The following DSE variants were observed in gnomAD, a reference collection of about 807,000 sequenced individuals.
DSE encodes dermatan sulfate epimerase, also known as dermatan-sulfate epimerase.
In DSE, 36 loss-of-function variants were observed where a neutral mutation model predicts 84.4. The ratio of observed to expected loss-of-function variants is 0.43; its 90% confidence interval spans 0.33 to 0.56. DSE has a LOEUF of 0.56. Among genes scored for constraint, DSE ranks in the 20% least tolerant of loss-of-function variants. DSE has a pLI of 0.06. For missense variants in DSE, 862 were observed against 1,169.6 expected, an observed-to-expected ratio of 0.74 and a Z score of 3.84; for synonymous variants, 410 against 430.1, an observed-to-expected ratio of 0.95 and a Z score of 0.58.
intron 2 of DSE, among the ~76,000 whole-genome samples, chr6:116,287,412 A>G (rs1773984549): frequency 6.6e-6 from 1 of 152,098 alleles, no homozygotes; most frequent in Non-Finnish European, 1.5e-5. Context: ...TTTTAAAAAC[A>G]TAAAATAATT....
intron 2 of DSE, among the ~76,000 whole-genome samples, chr6:116,305,675 T>A (rs1775300886): frequency 6.6e-6 from 1 of 152,176 alleles, no homozygotes; most frequent in South Asian, 2.1e-4. Flanking sequence ...TTCGCTCTTG[T>A]TGCCCAGGCT....
intron 1 of DSE, among the ~76,000 whole-genome samples, chr6:116,371,941 A>T (rs1779613272): frequency 6.6e-6 from 1 of 152,232 alleles, no homozygotes. Context: ...GCCTTTGGTT[A>T]AAATCAGGAG....
In DSE at chr6:116,430,946, T is replaced by C; in HGVS notation, c.671-8T>C. 2 of 1,612,526 alleles carry C rather than the reference T, an allele frequency of 1.2e-6. No homozygotes were observed. The highest frequency in any genetic ancestry group is 1.7e-6 in the Non-Finnish European group (2 of 1,179,656). Reference sequence around the variant, plus strand: ...TAGTCATTGCTTCCATGTGTTTTCATCCTTCAGGATATCTTCAAGAAGCCT... The same window carrying C: ...TAGTCATTGCTTCCATGTGTTTTCACCCTTCAGGATATCTTCAAGAAGCCT... On this transcript the variant is annotated splice_polypyrimidine_tract_variant and splice_region_variant and intron_variant, in intron 3 of 5. Coordinates refer to ENST00000644252, the MANE Select transcript of DSE (RefSeq NM_013352.4).
chr6:116,278,672 G>T, intron 2 of DSE: 1 of 1,614,170 alleles, frequency 6.2e-7, no homozygotes, highest in Non-Finnish European at 8.5e-7. Flanking sequence ...TCGGACTCTG[G>T]AAGGCTGTGG....
At chr6:116,369,212 C>G (rs1779359785), upstream of DSE, among the ~76,000 whole-genome samples, 1 of 152,176 alleles carries the variant, frequency 6.6e-6, no homozygotes, top group Non-Finnish European at 1.5e-5. Flanking sequence ...TATAGCTCCC[C>G]TGCTGATTCT....
At chr6:116,434,381 G>C (rs1277920618) in intron 5 of DSE, among the ~76,000 whole-genome samples, 2 of 151,804 alleles carry the variant, frequency 1.3e-5, no homozygotes, top group Non-Finnish European at 2.9e-5. Flanking sequence ...AAAAAATTAA[G>C]GAGGAAAAAA....
At chr6:116,407,337 G>T (rs1371020785) in intron 2 of DSE, among the ~76,000 whole-genome samples, 1 of 152,130 alleles carries the variant, frequency 6.6e-6, no homozygotes, top group Non-Finnish European at 1.5e-5. Flanking sequence ...AGTGGTTTGT[G>T]GGAGAGAAAA....
intron 2 of DSE, among the ~76,000 whole-genome samples, chr6:116,301,055 A>G (rs2114703548): frequency 6.6e-6 from 1 of 152,186 alleles, no homozygotes; most frequent in East Asian, 1.9e-4. Flanking sequence ...AACATGGAAG[A>G]AGGTCCTAAG....
At chr6:116,259,185 G>A in intron 2 of DSE, 1 of 696,764 alleles carries the variant, frequency 1.4e-6, no homozygotes, top group Admixed American at 2.7e-5. Flanking sequence ...CAGACAGGAA[G>A]AGCAAACTTA....
chr6:116,360,204 G>T (rs556016775), intron 2 of DSE, among the ~76,000 whole-genome samples: 1 of 152,142 alleles, frequency 6.6e-6, no homozygotes, highest in Non-Finnish European at 1.5e-5. Flanking sequence ...GGTGACAGGG[G>T]AGGGAGAGCA....
At chr6:116,363,312 CAT>C (rs757195959) in intron 2 of DSE, among the ~76,000 whole-genome samples, 1 of 151,636 alleles carries the variant, frequency 6.6e-6, no homozygotes, top group Admixed American at 6.6e-5. Context: ...ATACTTGCCA[CAT>C]GTTTAATGAC....
At chr6:116,410,588 G>C (rs1486459507) in intron 2 of DSE, among the ~76,000 whole-genome samples, 1 of 151,880 alleles carries the variant, frequency 6.6e-6, no homozygotes, top group African/African-American at 2.4e-5. Context: ...AAAAAAATTA[G>C]CTGGGTGTGG....
intron 2 of DSE, among the ~76,000 whole-genome samples, chr6:116,261,571 C>G (rs1024321522): frequency 6.6e-6 from 1 of 152,176 alleles, no homozygotes; most frequent in Non-Finnish European, 1.5e-5. Flanking sequence ...TTGACTTCCT[C>G]TCTTTGGATG....
At chr6:116,353,663 A>G (rs1415723192) in intron 2 of DSE, among the ~76,000 whole-genome samples, 1 of 152,196 alleles carries the variant, frequency 6.6e-6, no homozygotes, top group Non-Finnish European at 1.5e-5. Context: ...AAATTTGCTT[A>G]AGGTTATGGA....
intron 2 of DSE, among the ~76,000 whole-genome samples, chr6:116,297,080 G>T (rs1350098703): frequency 6.6e-6 from 1 of 152,116 alleles, no homozygotes; most frequent in Non-Finnish European, 1.5e-5. Context: ...ATTTGGGTAG[G>T]CAAAGTATAG....
chr6:116,403,510 A>G (rs1781729331), intron 2 of DSE, among the ~76,000 whole-genome samples: 1 of 152,146 alleles, frequency 6.6e-6, no homozygotes, highest in Non-Finnish European at 1.5e-5. Flanking sequence ...AAGGAAGCAT[A>G]AAATATTGTG....
At chr6:116,415,162 T>C (rs1782618553) in intron 2 of DSE, among the ~76,000 whole-genome samples, 1 of 152,242 alleles carries the variant, frequency 6.6e-6, no homozygotes, top group African/African-American at 2.4e-5. Flanking sequence ...TTTTGAGACC[T>C]TGGATGTCTG....
intron 2 of DSE, among the ~76,000 whole-genome samples, chr6:116,272,001 T>A (rs1772901788): frequency 6.6e-6 from 1 of 152,308 alleles, no homozygotes; most frequent in East Asian, 1.9e-4. Context: ...GAGGCTACCA[T>A]TCCTGGGATT....
intron 2 of DSE, among the ~76,000 whole-genome samples, chr6:116,312,447 A>T (rs1438097860): frequency 6.6e-6 from 1 of 152,158 alleles, no homozygotes; most frequent in East Asian, 1.9e-4. Flanking sequence ...TGAAGAACAG[A>T]AGGGATTTAA....
Sources: allele counts gnomAD v4.1 joint callset (sites outside exome capture counted in the v4.1 genomes callset), GRCh38; gene constraint gnomAD v4.1.1; transcripts MANE v1.5; gene names NCBI Gene and HGNC (gene_info 2026-07-23, HGNC 2026-07-21).